Variants in GPR31 observed in about 807,000 individuals in gnomAD.
The protein encoded by GPR31 is 12-(S)-hydroxy-5,8,10,14-eicosatetraenoic acid receptor.
For missense variants in GPR31, 394 were observed against 400.5 expected, an observed-to-expected ratio of 0.98 and a Z score of 0.14; for synonymous variants, 209 against 183.8, an observed-to-expected ratio of 1.14 and a Z score of -1.11.
At position 167,156,261 on chromosome 6, in the gene GPR31, T is replaced by C. The variant is rs997190733; in HGVS notation, c.*611A>G. On this transcript the variant is annotated 3_prime_UTR_variant, in exon 1 of 1. Coordinates refer to ENST00000366834, the MANE Select transcript of GPR31 (RefSeq NM_005299.3). The surrounding 1 kb of genome is among the most constrained non-coding windows in gnomAD (Gnocchi z 4.5). ...GGAACTCACTACATTTTCCTTAACATAATGTATAATCTAGAAAAATGAAGC... is the reference window on the plus strand; with the variant it reads ...GGAACTCACTACATTTTCCTTAACACAATGTATAATCTAGAAAAATGAAGC... 6.6e-6 allele frequency: 1 copy of C among 152,180 alleles called. No homozygotes were observed. Among genetic ancestry groups the C allele is most frequent in the Non-Finnish European group, 1.5e-5 (1 of 68,026 alleles). The allele number at this position is 152,180 out of a possible 1,614,324, so 9.4% of individuals were successfully genotyped here. A position where few individuals can be genotyped will look rare whatever the true frequency, so the allele number is the denominator to read the frequency against.
chr6:167,156,935 G>A lies in GPR31; in HGVS notation c.897C>T (p.Thr299=). ...FRSSYRRVFH[T]LRGKGQAAEP... ...CTGCTGCCTGCCCTTTGCCTCGGAGGGTGTGGAAGACCCTCCGATAGGAGC... is the reference window on the plus strand; with the variant it reads ...CTGCTGCCTGCCCTTTGCCTCGGAGAGTGTGGAAGACCCTCCGATAGGAGC... The change falls in exon 1 of 1, where the codon ACC becomes ACT. Residue 299 remains threonine (T), a synonymous_variant. Coordinates refer to ENST00000366834, the MANE Select transcript of GPR31 (RefSeq NM_005299.3). This position sits in a 1 kb window ranked among gnomAD's most constrained non-coding sequence, Gnocchi z 4.5. 7 of 1,613,998 alleles carry A rather than the reference G, an allele frequency of 4.3e-6. No individual in the cohort carries two copies. The highest frequency in any genetic ancestry group is 5.9e-6 in the Non-Finnish European group (7 of 1,179,912).
Position 167,155,981 on chromosome 6 carries a change from C to T in GPR31, c.*891G>A, listed in dbSNP as rs1782058890. On this transcript the variant is annotated 3_prime_UTR_variant, in exon 1 of 1. Transcript: ENST00000366834. ...CGCCTGCCCACCTTCACACTGTGGCCCATGGAGCCCTGGCATGTCCCGAGC... is the reference window on the plus strand; with the variant it reads ...CGCCTGCCCACCTTCACACTGTGGCTCATGGAGCCCTGGCATGTCCCGAGC... Among the ~76,000 whole-genome samples, 1 of 152,228 alleles carries T rather than the reference C, an allele frequency of 6.6e-6. No homozygotes were observed. Among genetic ancestry groups the T allele is most frequent in the Admixed American group, 6.5e-5 (1 of 15,286 alleles).
chr6:167,155,719 A>G lies in GPR31; in HGVS notation c.*1153T>C, dbSNP rs1370628403. Among the ~76,000 whole-genome samples the G allele has an allele frequency of 6.6e-6, 1 of 152,232 alleles. No homozygotes were observed. The highest frequency in any genetic ancestry group is 2.4e-5 in the African/African-American group (1 of 41,454). On this transcript the variant is annotated 3_prime_UTR_variant, in exon 1 of 1. Transcript: ENST00000366834. ...CTCCAGGGAGGCTGAGGGGCAGCTC[A>G]CCAGGCCCATGTCGTGACAAGGCAG...
Position 167,157,960 on chromosome 6 carries a change from A to C in GPR31, c.-129T>G, listed in dbSNP as rs944777779. The C allele has an allele frequency of 8.7e-7, 1 of 1,154,314 alleles. No homozygotes were observed. Among genetic ancestry groups the C allele is most frequent in the Non-Finnish European group, 1.2e-6 (1 of 829,192 alleles). 71.5% of individuals were successfully genotyped at this position (1,154,314 alleles called of 1,614,324 possible). ...AGACAAGATCTACATTTGCCCAACA[A>C]GAACAGTTCCTCAGCAGAATAGAGT... On this transcript the variant is annotated 5_prime_UTR_variant, in exon 1 of 1. Coordinates refer to ENST00000366834, the MANE Select transcript of GPR31 (RefSeq NM_005299.3).
Position 167,157,975 on chromosome 6 carries a change from C to T in GPR31, c.-144G>A. Reference sequence around the variant, plus strand: ...TTGCCCAACAAGAACAGTTCCTCAGCAGAATAGAGTCCACAGCAAACCAAA... The same window carrying T: ...TTGCCCAACAAGAACAGTTCCTCAGTAGAATAGAGTCCACAGCAAACCAAA... On this transcript the variant is annotated 5_prime_UTR_variant, in exon 1 of 1. Transcript: ENST00000366834. 1 of 1,033,440 alleles carries T rather than the reference C, an allele frequency of 9.7e-7. No individual in the cohort carries two copies. Among genetic ancestry groups the T allele is most frequent in the East Asian group, 2.6e-5 (1 of 38,114 alleles). 64.0% of individuals were successfully genotyped at this position (1,033,440 alleles called of 1,614,324 possible).
rs1257565158 is a variant in GPR31 at position 167,157,717 on chromosome 6, AG to A, written c.114del (p.Phe39SerfsTer37). The A allele has an allele frequency of 1.7e-5, 28 of 1,613,708 alleles. No homozygotes were observed. The highest frequency in any genetic ancestry group is 2.4e-5 in the Non-Finnish European group (28 of 1,180,016). On this transcript the variant is annotated frameshift_variant, in exon 1 of 1. Transcript: ENST00000366834. LOFTEE classifies it low-confidence loss of function (END_TRUNC). ...GLLGNAVALW[T>X]FLFRVRVWKP... ...TTCCACACCCTGACCCGGAACAGGA[AG>A]GTCCACAGCGCCACCGCGTTGCCCA...
chr6:167,157,326 GCC>G lies in GPR31; in HGVS notation c.504_505del (p.Arg168SerfsTer44). The G allele has an allele frequency of 6.2e-7, 1 of 1,614,014 alleles. No homozygotes were observed. Among genetic ancestry groups the G allele is most frequent in the Non-Finnish European group, 8.5e-7 (1 of 1,180,036 alleles). On this transcript the variant is annotated frameshift_variant, in exon 1 of 1. Transcript: ENST00000366834. LOFTEE classifies it low-confidence loss of function (END_TRUNC). The stretch of plus-strand genomic sequence containing the variant: ...CCAGATGATGCTGAAGGAGCCGTCT[GCC>G]CTGGAGTAGAAACTGTGGCACCTGG...
Position 167,156,889 on chromosome 6 carries a change from T to C in GPR31, c.943A>G (p.Arg315Gly), listed in dbSNP as rs1178032387. Residue 315 changes from arginine to glycine, a missense_variant, in exon 1 of 1, where the codon AGA becomes GGA. By Grantham distance (125) the Arg-to-Gly change is moderately radical (BLOSUM62 -2). Coordinates refer to ENST00000366834, the MANE Select transcript of GPR31 (RefSeq NM_005299.3). This position sits in a 1 kb window ranked among gnomAD's most constrained non-coding sequence, Gnocchi z 4.5. Reference sequence around the variant, plus strand: ...GGCTGTTGTCAGGAATAGGAGTCTCTGGGGTTGAAATCTGGGGGCTCTGCT... The same window carrying C: ...GGCTGTTGTCAGGAATAGGAGTCTCCGGGGTTGAAATCTGGGGGCTCTGCT... Reference protein sequence around the residue: ...QAAEPPDFNPRDSYS With the variant: ...QAAEPPDFNPGDSYS 1.2e-6 allele frequency: 2 copies of C among 1,602,178 alleles called. No homozygotes were observed. Among genetic ancestry groups the C allele is most frequent in the Admixed American group, 1.7e-5 (1 of 58,424 alleles).
Position 167,156,726 on chromosome 6 carries a change from T to C in GPR31, c.*146A>G, listed in dbSNP as rs1448888233. ...GGTCAACAAAGTATAAGACCACACCTGCAGCAACTGTGCCCATGTTTATGC... is the reference window on the plus strand; with the variant it reads ...GGTCAACAAAGTATAAGACCACACCCGCAGCAACTGTGCCCATGTTTATGC... On this transcript the variant is annotated 3_prime_UTR_variant, in exon 1 of 1. Transcript: ENST00000366834. This position sits in a 1 kb window ranked among gnomAD's most constrained non-coding sequence, Gnocchi z 4.5. 2.1e-5 allele frequency: 19 copies of C among 894,060 alleles called. No individual in the cohort carries two copies. Among genetic ancestry groups the C allele is most frequent in the Admixed American group, 2.5e-5 (1 of 39,248 alleles). The allele number at this position is 894,060 out of a possible 1,614,324, so 55.4% of individuals were successfully genotyped here.
rs1024255185 is a variant in GPR31, at chr6:167,155,415, C to G, written c.*1457G>C. Among the ~76,000 whole-genome samples, 1 of 152,112 alleles carries G rather than the reference C, an allele frequency of 6.6e-6. No homozygotes were observed. The highest frequency in any genetic ancestry group is 1.9e-4 in the East Asian group (1 of 5,194). On this transcript the variant is annotated 3_prime_UTR_variant, in exon 1 of 1. Coordinates refer to ENST00000366834, the MANE Select transcript of GPR31 (RefSeq NM_005299.3). ...CCTTTCGTTGGGCAGATTTTTACAC[C>G]CTTCCTTAGCAGAACAGGTGGAACT...
chr6:167,157,499 G>A lies in GPR31; in HGVS notation c.333C>T (p.Asp111=). The A allele has an allele frequency of 1.9e-6, 3 of 1,613,518 alleles. No individual in the cohort carries two copies. The highest frequency in any genetic ancestry group is 2.5e-6 in the Non-Finnish European group (3 of 1,179,838). ...GMAFLAAVAL[D]RYLRVVHPRL... is the part of the protein sequence containing the mutation. Reference sequence around the variant, plus strand: ...GAGGGTGGACCACACGGAGGTACCGGTCCAAAGCCACGGCGGCCAGGAAGG... The same window carrying A: ...GAGGGTGGACCACACGGAGGTACCGATCCAAAGCCACGGCGGCCAGGAAGG... The change falls in exon 1 of 1, where the codon GAC becomes GAT. Residue 111 remains aspartate (D), a synonymous_variant. Transcript: ENST00000366834.
In GPR31 at chr6:167,157,136, A is replaced by G; in HGVS notation, c.696T>C (p.Ala232=). The change falls in exon 1 of 1, where the codon GCT becomes GCC. Residue 232 remains alanine (A), a synonymous_variant. Transcript: ENST00000366834. ...CCAGGAAGCAGGGCAGAAAGCACAGAGCAAACAGCACCACCACCAAGGTGA... is the reference window on the plus strand; with the variant it reads ...CCAGGAAGCAGGGCAGAAAGCACAGGGCAAACAGCACCACCACCAAGGTGA... ...ALVTLVVVLF[A]LCFLPCFLAR... 1 of 1,614,230 alleles carries G rather than the reference A, an allele frequency of 6.2e-7. No individual in the cohort carries two copies. Among genetic ancestry groups the G allele is most frequent in the Non-Finnish European group, 8.5e-7 (1 of 1,180,038 alleles).
In GPR31 at chr6:167,155,537, C is replaced by T. The variant is rs1280922684; in HGVS notation, c.*1335G>A. Among the ~76,000 whole-genome samples, 1 of 152,218 alleles carries T rather than the reference C, an allele frequency of 6.6e-6. No individual in the cohort carries two copies. The highest frequency in any genetic ancestry group is 1.5e-5 in the Non-Finnish European group (1 of 68,036). ...CTTGCCATTTTCTGTTGCCTAGAGC[C>T]ATCATTTTTGACCTCGAATTTGACA... On this transcript the variant is annotated 3_prime_UTR_variant, in exon 1 of 1. Transcript: ENST00000366834.
In GPR31 at chr6:167,157,444, C is replaced by A; in HGVS notation, c.388G>T (p.Ala130Ser). The A allele has an allele frequency of 6.2e-7, 1 of 1,613,576 alleles. No homozygotes were observed. The highest frequency in any genetic ancestry group is 2.2e-5 in the East Asian group (1 of 44,882). The change falls in exon 1 of 1, where the codon GCG becomes TCG. Residue 130 changes from alanine to serine, a missense_variant. Physicochemically the swap from Ala to Ser is moderately conservative, Grantham distance 99. Coordinates refer to ENST00000366834, the MANE Select transcript of GPR31 (RefSeq NM_005299.3). The stretch of plus-strand genomic sequence containing the variant: ...ACGAGGCCCGAGACCCCCAGGGCCG[C>A]CTGAGGAGACAGCAGGTTGACCTTA... The part of the protein sequence containing the change: ...RLKVNLLSPQ[A>S]ALGVSGLVWL...
chr6:167,156,707 C>T lies in GPR31; in HGVS notation c.*165G>A. 3 of 750,302 alleles carry T rather than the reference C, an allele frequency of 4.0e-6. No homozygotes were observed. In the East Asian group the frequency reaches 8.0e-5, roughly 20 times the overall value. 46.5% of individuals were successfully genotyped at this position (750,302 alleles called of 1,614,324 possible). A position where few individuals can be genotyped will look rare whatever the true frequency, so the allele number is the denominator to read the frequency against. On this transcript the variant is annotated 3_prime_UTR_variant, in exon 1 of 1. Transcript: ENST00000366834. This position sits in a 1 kb window ranked among gnomAD's most constrained non-coding sequence, Gnocchi z 4.5. ...AATCACAGAGGACCACCCTGGTCAACAAAGTATAAGACCACACCTGCAGCA... is the reference window on the plus strand; with the variant it reads ...AATCACAGAGGACCACCCTGGTCAATAAAGTATAAGACCACACCTGCAGCA...
In GPR31 at chr6:167,157,040, C is replaced by A. The variant is rs35182330; in HGVS notation, c.792G>T (p.Ser264=). The change falls in exon 1 of 1, where the codon TCG becomes TCT. Residue 264 remains serine, a synonymous_variant. Coordinates refer to ENST00000366834, the MANE Select transcript of GPR31 (RefSeq NM_005299.3). ...GGTAGGTGAGGCTGCCCGTGACATC[C>A]GAGGTATGAGCCACTGCACAAAGGG... The part of the protein sequence containing the change: ...CRALCAVAHT[S]DVTGSLTYLH... The A allele has an allele frequency of 1.9e-6, 3 of 1,614,108 alleles. No homozygotes were observed. Among genetic ancestry groups the A allele is most frequent in the Non-Finnish European group, 2.5e-6 (3 of 1,180,030 alleles).
At position 167,157,783 on chromosome 6, in the gene GPR31, C is replaced by T. The variant is rs1488541901; in HGVS notation, c.49G>A (p.Val17Met). Residue 17 changes from valine to methionine, a missense_variant, in exon 1 of 1, where the codon GTG becomes ATG. Transcript: ENST00000366834. The stretch of plus-strand genomic sequence containing the variant: ...CACTCCAGCCCCAGCAAGACACCCA[C>T]AGCTGTGGCCACCACAGTGCTGGGG... Reference protein sequence around the residue: ...SAPSTVVATAVGVLLGLECGL... With the variant: ...SAPSTVVATAMGVLLGLECGL... The T allele has an allele frequency of 1.2e-6, 2 of 1,612,742 alleles. No individual in the cohort carries two copies. Among genetic ancestry groups the T allele is most frequent in the Admixed American group, 1.7e-5 (1 of 59,930 alleles).
In GPR31 at chr6:167,157,469, A is replaced by T; in HGVS notation, c.363T>A (p.Leu121=). The T allele has an allele frequency of 6.2e-7, 1 of 1,613,614 alleles. No individual in the cohort carries two copies. Among genetic ancestry groups the T allele is most frequent in the Non-Finnish European group, 8.5e-7 (1 of 1,179,904 alleles). The part of the protein sequence containing the change: ...DRYLRVVHPR[L]KVNLLSPQAA... ...CCTGAGGAGACAGCAGGTTGACCTT[A>T]AGCCGAGGGTGGACCACACGGAGGT... The change falls in exon 1 of 1, where the codon CTT becomes CTA. Residue 121 remains leucine, a synonymous_variant. Coordinates refer to ENST00000366834, the MANE Select transcript of GPR31 (RefSeq NM_005299.3).
At position 167,156,931 on chromosome 6, in the gene GPR31, G is replaced by C. The variant is rs148093951; in HGVS notation, c.901C>G (p.Arg301Gly). The C allele has an allele frequency of 2.5e-6, 4 of 1,613,884 alleles. No homozygotes were observed. Among genetic ancestry groups the C allele is most frequent in the Non-Finnish European group, 2.5e-6 (3 of 1,179,866 alleles). Residue 301 changes from arginine (R) to glycine (G), a missense_variant, in exon 1 of 1, where the codon CGA (arginine) becomes GGA (glycine). Transcript: ENST00000366834. This position sits in a 1 kb window ranked among gnomAD's most constrained non-coding sequence, Gnocchi z 4.5. ...SSYRRVFHTL[R>G]GKGQAAEPPD... ...GGCTCTGCTGCCTGCCCTTTGCCTC[G>C]GAGGGTGTGGAAGACCCTCCGATAG...
Sources: allele counts gnomAD v4.1 joint callset (sites outside exome capture counted in the v4.1 genomes callset), GRCh38; gene constraint gnomAD v4.1.1; non-coding constraint Gnocchi (gnomAD v3.1); transcripts MANE v1.5; gene names NCBI Gene and HGNC (gene_info 2026-07-23, HGNC 2026-07-21).